OR51A4: variants seen among roughly 807,000 people sequenced by gnomAD.
OR51A4 encodes olfactory receptor 51A4.
For synonymous variants in OR51A4, 96 were observed against 141.5 expected (o/e 0.68, Z 2.28); for missense variants, 243 against 364.0 (o/e 0.67, Z 2.70).
rs1359374071 is a variant in OR51A4 at position 4,942,874 on chromosome 11, TG to T, written c.*3284del. On this transcript the variant is annotated 3_prime_UTR_variant, in exon 2 of 2. Coordinates refer to ENST00000641898, the MANE Select transcript of OR51A4 (RefSeq NM_001005329.2). Reference sequence around the variant, plus strand: ...AGCAAGAATAACACATTCAATTAAATGGATTGGGTTGATTGTACACAATTCA... The same window carrying T: ...AGCAAGAATAACACATTCAATTAAATGATTGGGTTGATTGTACACAATTCA... 2 of 152,214 alleles carry T rather than the reference TG, an allele frequency of 1.3e-5. No homozygotes were observed. Among genetic ancestry groups the T allele is most frequent in the Non-Finnish European group, 2.9e-5 (2 of 68,040 alleles). 9.4% of individuals were successfully genotyped at this position (152,214 alleles called of 1,614,324 possible).
In OR51A4 at chr11:4,946,003, G is replaced by C; in HGVS notation, c.*156C>G. ...TAAGGCAACGTACTTCCTGTTTATA[G>C]TTCTATTCTCATTCGCAGTATCCAG... is the stretch of plus-strand genomic sequence containing the variant. On this transcript the variant is annotated 3_prime_UTR_variant, in exon 2 of 2. Transcript: ENST00000641898. 2 of 717,196 alleles carry C rather than the reference G, an allele frequency of 2.8e-6. No homozygotes were observed. The highest frequency in any genetic ancestry group is 1.9e-5 in the South Asian group (1 of 53,640). The allele number at this position is 717,196 out of a possible 1,614,324, so 44.4% of individuals were successfully genotyped here.
In OR51A4 at chr11:4,946,910, A is replaced by G. The variant is rs372522687; in HGVS notation, c.191T>C (p.Phe64Ser). 1.9e-6 allele frequency: 3 copies of G among 1,606,764 alleles called. No homozygotes were observed. The African/African-American group carries it at 4.1e-5, about 22-fold the overall frequency. The change falls in exon 2 of 2, where the codon TTT (phenylalanine) becomes TCT (serine). Residue 64 changes from phenylalanine to serine, a missense_variant. Transcript: ENST00000641898. Reference sequence around the variant, plus strand: ...GTCTGACATAGCCAACATGGAAAGAAAATAGTACATGGGCTCATGCAAGGA... The same window carrying G: ...GTCTGACATAGCCAACATGGAAAGAGAATAGTACATGGGCTCATGCAAGGA... Reference protein sequence around the residue: ...EPSLHEPMYYFLSMLAMSDLG... With the variant: ...EPSLHEPMYYSLSMLAMSDLG...
Position 4,946,771 on chromosome 11 carries a change from T to C in OR51A4, c.330A>G (p.Ser110=), listed in dbSNP as rs1457289737. 1.8e-5 allele frequency: 28 copies of C among 1,587,460 alleles called. 2 individuals are homozygous for C. Among genetic ancestry groups the C allele is most frequent in the Non-Finnish European group, 2.2e-5 (26 of 1,160,660 alleles). ...FAQEFFIHGF[S]VLESSVLLIM... is the part of the protein sequence containing the mutation. ...TCAGGAGGACTGAGGACTCCAGTACTGAGAATCCATGAATGAAGAATTCCT... is the reference window on the plus strand; with the variant it reads ...TCAGGAGGACTGAGGACTCCAGTACCGAGAATCCATGAATGAAGAATTCCT... Residue 110 remains serine (S), a synonymous_variant, in exon 2 of 2, where the codon TCA becomes TCG. Coordinates refer to ENST00000641898, the MANE Select transcript of OR51A4 (RefSeq NM_001005329.2).
rs1047766080 is a variant in OR51A4, at chr11:4,944,348, C to T, written c.*1811G>A. The T allele has an allele frequency of 2.4e-5, 4 of 165,576 alleles. No individual in the cohort carries two copies. The highest frequency in any genetic ancestry group is 9.6e-5 in the African/African-American group (4 of 41,550). 10.3% of individuals were successfully genotyped at this position (165,576 alleles called of 1,614,324 possible). A position where few individuals can be genotyped will look rare whatever the true frequency, so the allele number is the denominator to read the frequency against. ...TTTCATTAAATCAAACTCTCAGAGC[C>T]TCAATCTCTTCAACTAAAATAAATA... is the stretch of plus-strand genomic sequence containing the variant. On this transcript the variant is annotated 3_prime_UTR_variant, in exon 2 of 2. Coordinates refer to ENST00000641898, the MANE Select transcript of OR51A4 (RefSeq NM_001005329.2).
chr11:4,944,975 G>C lies in OR51A4; in HGVS notation c.*1184C>G, dbSNP rs1288042589. ...TTAAAATCTACTCTGCATCAGAAGT[G>C]TCCTAGACATTAGGCAGGAAAAAAT... On this transcript the variant is annotated 3_prime_UTR_variant, in exon 2 of 2. Transcript: ENST00000641898. The C allele has an allele frequency of 6.6e-6, 1 of 152,026 alleles. No homozygotes were observed. The highest frequency in any genetic ancestry group is 2.4e-5 in the African/African-American group (1 of 41,406). The allele number at this position is 152,026 out of a possible 1,614,324, so 9.4% of individuals were successfully genotyped here.
rs1307883909 is a variant in OR51A4 at position 4,946,848 on chromosome 11, T to C, written c.253A>G (p.Ser85Gly). The C allele has an allele frequency of 6.3e-7, 1 of 1,591,000 alleles. No homozygotes were observed. The highest frequency in any genetic ancestry group is 1.1e-5 in the South Asian group (1 of 90,608). ...LSLSSLPTVL[S>G]IFLFNAPEIS... ...TCAGGAGCATTGAACAGGAAGATGC[T>C]TAACACAGTGGGCAGAGATGATAAA... Residue 85 changes from serine to glycine, a missense_variant, in exon 2 of 2, where the codon AGC becomes GGC. Physicochemically the swap from Ser to Gly is moderately conservative, Grantham distance 56. Coordinates refer to ENST00000641898, the MANE Select transcript of OR51A4 (RefSeq NM_001005329.2).
chr11:4,946,158 G>T lies in OR51A4; in HGVS notation c.*1C>A, dbSNP rs1846298342. 1 of 1,612,972 alleles carries T rather than the reference G, an allele frequency of 6.2e-7. No individual in the cohort carries two copies. The highest frequency in any genetic ancestry group is 8.5e-7 in the Non-Finnish European group (1 of 1,179,304). On this transcript the variant is annotated 3_prime_UTR_variant, in exon 2 of 2. Coordinates refer to ENST00000641898, the MANE Select transcript of OR51A4 (RefSeq NM_001005329.2). ...TCCAGGTTTTCTGTCACATATGACT[G>T]TTAAATCTTCCGTTGACACAATTTT...
Position 4,945,857 on chromosome 11 carries a change from T to C in OR51A4, c.*302A>G. ...GAGATTGAATGTAGATAATGAGAAA[T>C]CCAACTTCTGTCAGAGCTGTAAAAA... is the stretch of plus-strand genomic sequence containing the variant. On this transcript the variant is annotated 3_prime_UTR_variant, in exon 2 of 2. Coordinates refer to ENST00000641898, the MANE Select transcript of OR51A4 (RefSeq NM_001005329.2). 2.6e-6 allele frequency: 1 copy of C among 386,942 alleles called. No individual in the cohort carries two copies. Among genetic ancestry groups the C allele is most frequent in the Non-Finnish European group, 4.7e-6 (1 of 211,644 alleles). 24.0% of individuals were successfully genotyped at this position (386,942 alleles called of 1,614,324 possible).
chr11:4,943,816 T>C lies in OR51A4; in HGVS notation c.*2343A>G, dbSNP rs565087940. 4 of 439,926 alleles carry C rather than the reference T, an allele frequency of 9.1e-6. No homozygotes were observed. The highest frequency in any genetic ancestry group is 5.1e-5 in the Admixed American group (2 of 39,116). 27.3% of individuals were successfully genotyped at this position (439,926 alleles called of 1,614,324 possible). A position where few individuals can be genotyped will look rare whatever the true frequency, so the allele number is the denominator to read the frequency against. On this transcript the variant is annotated 3_prime_UTR_variant, in exon 2 of 2. Coordinates refer to ENST00000641898, the MANE Select transcript of OR51A4 (RefSeq NM_001005329.2). The stretch of plus-strand genomic sequence containing the variant: ...AATCTTCACCTCCCCCATTGAGATT[T>C]ATGTATCTTTATTTTATTTTTCATT...
intron 1 of OR51A4, 122 bp downstream of exon 1, chr11:4,947,423 T>C: frequency 4.8e-6 from 1 of 209,134 alleles, no homozygotes; most frequent in Non-Finnish European, 9.5e-6. Context: ...CGCTGGTCAA[T>C]TAACTGGAAT....
rs1846273407 is a variant in OR51A4, at chr11:4,945,080, A to G, written c.*1079T>C. 6.6e-6 allele frequency: 1 copy of G among 152,190 alleles called. No individual in the cohort carries two copies. Among genetic ancestry groups the G allele is most frequent in the African/African-American group, 2.4e-5 (1 of 41,466 alleles). The allele number at this position is 152,190 out of a possible 1,614,324, so 9.4% of individuals were successfully genotyped here. A position where few individuals can be genotyped will look rare whatever the true frequency, so the allele number is the denominator to read the frequency against. Reference sequence around the variant, plus strand: ...GAAAGAAATGAAATAAGGATAAAATATATCTGTAATTGCAAATATTAAGTA... The same window carrying G: ...GAAAGAAATGAAATAAGGATAAAATGTATCTGTAATTGCAAATATTAAGTA... On this transcript the variant is annotated 3_prime_UTR_variant, in exon 2 of 2. Transcript: ENST00000641898.
At position 4,946,952 on chromosome 11, in the gene OR51A4, A is replaced by T; in HGVS notation, c.149T>A (p.Ile50Asn). 4 of 1,605,822 alleles carry T rather than the reference A, an allele frequency of 2.5e-6. No individual in the cohort carries two copies. Among genetic ancestry groups the T allele is most frequent in the Non-Finnish European group, 3.4e-6 (4 of 1,176,364 alleles). Reference sequence around the variant, plus strand: ...ATGCAAGGAGGGCTCTGTCTTGATGATAAAAAGAATGGTGCCATTTCCTAG... The same window carrying T: ...ATGCAAGGAGGGCTCTGTCTTGATGTTAAAAAGAATGGTGCCATTTCCTAG... ...AILGNGTILF[I>N]IKTEPSLHEP... is the part of the protein sequence containing the mutation. The change falls in exon 2 of 2, where the codon ATC becomes AAC. Residue 50 changes from isoleucine to asparagine, a missense_variant. By Grantham distance (149) the Ile-to-Asn change is moderately radical. Coordinates refer to ENST00000641898, the MANE Select transcript of OR51A4 (RefSeq NM_001005329.2).
In OR51A4 at chr11:4,947,370, G is replaced by T. The variant is rs1156675334; in HGVS notation, c.-63+175C>A. Among the ~76,000 whole-genome samples, 2 of 125,016 alleles carry T rather than the reference G, an allele frequency of 1.6e-5. 1 individual carries two copies. The highest frequency in any genetic ancestry group is 3.6e-5 in the Non-Finnish European group (2 of 55,146). 82.0% of individuals were successfully genotyped at this position (125,016 alleles called of 152,430 possible). On this transcript the variant is annotated intron_variant, in intron 1 of 1. Transcript: ENST00000641898. ...AATCCAGATTTAAATTTTGTATTTA[G>T]TTACGCATCTGATTTCATTTTTTCC...
chr11:4,943,650 G>T lies in OR51A4; in HGVS notation c.*2509C>A. ...GTTGCAACAACCGAAGATGTCCCCA[G>T]ACATTGCCAAATGTCTCTTGGAGGT... On this transcript the variant is annotated 3_prime_UTR_variant, in exon 2 of 2. Coordinates refer to ENST00000641898, the MANE Select transcript of OR51A4 (RefSeq NM_001005329.2). 1 of 364,196 alleles carries T rather than the reference G, an allele frequency of 2.7e-6. No homozygotes were observed. The highest frequency in any genetic ancestry group is 3.5e-5 in the Admixed American group (1 of 28,832). 22.6% of individuals were successfully genotyped at this position (364,196 alleles called of 1,614,324 possible).
rs115841226 is a variant in OR51A4 at position 4,946,420 on chromosome 11, C to T, written c.681G>A (p.Leu227=). 8 of 1,609,594 alleles carry T rather than the reference C, an allele frequency of 5.0e-6. No homozygotes were observed. The African/African-American group carries it at 6.7e-5, about 13-fold the overall frequency. The change falls in exon 2 of 2, where the codon CTG becomes CTA. Residue 227 remains leucine, a synonymous_variant. Coordinates refer to ENST00000641898, the MANE Select transcript of OR51A4 (RefSeq NM_001005329.2). ...GCTGCTCCTTTTTGGATGCAATTCC[C>T]AGTACAGTCTTGAGGATCAGGGTGT... The part of the protein sequence containing the change: ...VSYTLILKTV[L]GIASKKEQLK...
chr11:4,942,886 A>T lies in OR51A4; in HGVS notation c.*3273T>A, dbSNP rs1384902908. 2.0e-5 allele frequency: 3 copies of T among 152,230 alleles called. No homozygotes were observed. Among genetic ancestry groups the T allele is most frequent in the Non-Finnish European group, 1.5e-5 (1 of 68,040 alleles). The allele number at this position is 152,230 out of a possible 1,614,324, so 9.4% of individuals were successfully genotyped here. A position where few individuals can be genotyped will look rare whatever the true frequency, so the allele number is the denominator to read the frequency against. ...ACATTCAATTAAATGGATTGGGTTGATTGTACACAATTCAATATATTAAAG... is the reference window on the plus strand; with the variant it reads ...ACATTCAATTAAATGGATTGGGTTGTTTGTACACAATTCAATATATTAAAG... On this transcript the variant is annotated 3_prime_UTR_variant, in exon 2 of 2. Coordinates refer to ENST00000641898, the MANE Select transcript of OR51A4 (RefSeq NM_001005329.2).
rs1846237603 is a variant in OR51A4, at chr11:4,943,005, A to G, written c.*3154T>C. 1 of 152,304 alleles carries G rather than the reference A, an allele frequency of 6.6e-6. No individual in the cohort carries two copies. 9.4% of individuals were successfully genotyped at this position (152,304 alleles called of 1,614,324 possible). A position where few individuals can be genotyped will look rare whatever the true frequency, so the allele number is the denominator to read the frequency against. On this transcript the variant is annotated 3_prime_UTR_variant, in exon 2 of 2. Coordinates refer to ENST00000641898, the MANE Select transcript of OR51A4 (RefSeq NM_001005329.2). ...AGTAGTTGTCTACTTTAAAAATTAC[A>G]GTATTGTTCTCATGTAACTCCTATA... is the stretch of plus-strand genomic sequence containing the variant.
chr11:4,943,144 C>T lies in OR51A4; in HGVS notation c.*3015G>A, dbSNP rs2595994. 157,861 of 188,162 alleles carry T rather than the reference C, an allele frequency of 0.84. 66,465 individuals are homozygous for T. The highest frequency in any genetic ancestry group is 0.91 in the Middle Eastern group (382 of 422). The allele number at this position is 188,162 out of a possible 1,614,324, so 11.7% of individuals were successfully genotyped here. On this transcript the variant is annotated 3_prime_UTR_variant, in exon 2 of 2. Transcript: ENST00000641898. Reference sequence around the variant, plus strand: ...TTCCATCCCTTACAATGTTTTCCCACAAACCTCTCACAAATGACCAATGTC... The same window carrying T: ...TTCCATCCCTTACAATGTTTTCCCATAAACCTCTCACAAATGACCAATGTC...
Position 4,945,745 on chromosome 11 carries a change from A to T in OR51A4, c.*414T>A, listed in dbSNP as rs1846288006. On this transcript the variant is annotated 3_prime_UTR_variant, in exon 2 of 2. Coordinates refer to ENST00000641898, the MANE Select transcript of OR51A4 (RefSeq NM_001005329.2). ...TCCCAATATGGAATATAAATGATTAAATTAAAAAAATGGTTGTATTCTAAG... is the reference window on the plus strand; with the variant it reads ...TCCCAATATGGAATATAAATGATTATATTAAAAAAATGGTTGTATTCTAAG... 2 of 231,304 alleles carry T rather than the reference A, an allele frequency of 8.6e-6. No individual in the cohort carries two copies. The highest frequency in any genetic ancestry group is 1.2e-4 in the South Asian group (2 of 16,496). The allele number at this position is 231,304 out of a possible 1,614,324, so 14.3% of individuals were successfully genotyped here. A position where few individuals can be genotyped will look rare whatever the true frequency, so the allele number is the denominator to read the frequency against.
Sources: gnomAD v4.1 joint callset for allele counts (sites outside exome capture counted in the v4.1 genomes callset) on GRCh38, gnomAD v4.1.1 for gene constraint, MANE v1.5 for transcripts, NCBI Gene and HGNC (gene_info 2026-07-23, HGNC 2026-07-21) for gene names.